CCDC80: variants seen among roughly 807,000 people sequenced by gnomAD.
CCDC80 encodes coiled-coil domain-containing protein 80.
A neutral mutation model predicts 78.7 loss-of-function variants in CCDC80; 49 were observed. That is an observed-to-expected ratio of 0.62 (90% confidence interval 0.50 to 0.79). CCDC80 has a LOEUF of 0.79. CCDC80 is among the 30% of genes least tolerant of loss of function. CCDC80 has a pLI of 0.00. For missense variants in CCDC80, 1,205 were observed against 1,198.6 expected, an observed-to-expected ratio of 1.01 and a Z score of -0.08; for synonymous variants, 488 against 447.0, an observed-to-expected ratio of 1.09 and a Z score of -1.16.
rs922754269 is a variant in CCDC80, at chr3:112,603,521, AAT to A, written c.*1894_*1895del. The A allele has an allele frequency of 9.6e-5, 14 of 145,802 alleles. No homozygotes were observed. The highest frequency in any genetic ancestry group is 2.7e-4 in the African/African-American group (11 of 40,014). The allele number at this position is 145,802 out of a possible 1,614,324, so 9.0% of individuals were successfully genotyped here. On this transcript the variant is annotated 3_prime_UTR_variant, in exon 8 of 8. Transcript: ENST00000206423. ...CAGAGCGAGACTCCATCTCGAAAAA[AAT>A]ATATATATATATAATATATATTATA...
chr3:112,597,969 T>C lies in CCDC80; in HGVS notation c.*7448A>G, dbSNP rs891667736. ...TACATATAGAATAGTATAAATACAA[T>C]AAATGTTTGAATTATCGTATAACTT... On this transcript the variant is annotated 3_prime_UTR_variant, in exon 8 of 8. Transcript: ENST00000206423. 4 of 152,212 alleles carry C rather than the reference T, an allele frequency of 2.6e-5. No homozygotes were observed. The highest frequency in any genetic ancestry group is 9.6e-5 in the African/African-American group (4 of 41,454). The allele number at this position is 152,212 out of a possible 1,614,324, so 9.4% of individuals were successfully genotyped here.
At position 112,631,192 on chromosome 3, in the gene CCDC80, TAC is replaced by T. The variant is rs1936090581; in HGVS notation, c.1879-925_1879-924del. On this transcript the variant is annotated intron_variant, in intron 2 of 7. Transcript: ENST00000206423. Reference sequence around the variant, plus strand: ...ATCTAACCTAATACAAAAGCTTCTCTACTCTCTTGATTAATTTAGCTGCCCTT... The same window carrying T: ...ATCTAACCTAATACAAAAGCTTCTCTTCTCTTGATTAATTTAGCTGCCCTT... Among the ~76,000 whole-genome samples, 4 of 152,342 alleles carry T rather than the reference TAC, an allele frequency of 2.6e-5. 1 individual carries two copies. The South Asian group carries it at 8.3e-4, about 32-fold the overall frequency.
Position 112,607,257 on chromosome 3 carries a change from C to A in CCDC80, c.2426-1G>T, listed in dbSNP as rs774970574. ...TTCAGAATGGTTATGTGGCGCAGACCTGAGAGAAAAAAGAAAACCATAGGA... is the reference window on the plus strand; with the variant it reads ...TTCAGAATGGTTATGTGGCGCAGACATGAGAGAAAAAAGAAAACCATAGGA... On this transcript the variant is annotated splice_acceptor_variant, in intron 6 of 7. Transcript: ENST00000206423. LOFTEE classifies it high-confidence loss of function. 1 of 1,607,890 alleles carries A rather than the reference C, an allele frequency of 6.2e-7. No homozygotes were observed. The highest frequency in any genetic ancestry group is 8.5e-7 in the Non-Finnish European group (1 of 1,178,240).
chr3:112,630,976 T>C (rs1478991867), intron 2 of CCDC80, among the ~76,000 whole-genome samples: 1 of 152,040 alleles, frequency 6.6e-6, no homozygotes, highest in Admixed American at 6.6e-5. Context: ...CCTAGCCCTC[T>C]GTCTTTCATC....
At chr3:112,615,972 C>G (rs1218739798) in intron 5 of CCDC80, among the ~76,000 whole-genome samples, 1 of 152,208 alleles carries the variant, frequency 6.6e-6, no homozygotes, top group Non-Finnish European at 1.5e-5. Flanking sequence ...TCTTCTATTC[C>G]TTTACTTTCT....
At position 112,605,193 on chromosome 3, in the gene CCDC80, G is replaced by C. The variant is rs1432934664; in HGVS notation, c.*224C>G. On this transcript the variant is annotated 3_prime_UTR_variant, in exon 8 of 8. Coordinates refer to ENST00000206423, the MANE Select transcript of CCDC80 (RefSeq NM_199511.3). ...TTTTCAGTACTATTATTTAGCACTA[G>C]AGCCCCTCCAGTTAGAAAAACAATT... is the stretch of plus-strand genomic sequence containing the variant. The C allele has an allele frequency of 4.6e-6, 2 of 434,912 alleles. No homozygotes were observed. Among genetic ancestry groups the C allele is most frequent in the Non-Finnish European group, 8.1e-6 (2 of 248,380 alleles). The allele number at this position is 434,912 out of a possible 1,614,324, so 26.9% of individuals were successfully genotyped here. A position where few individuals can be genotyped will look rare whatever the true frequency, so the allele number is the denominator to read the frequency against.
Position 112,630,234 on chromosome 3 carries a change from A to G in CCDC80, c.1914T>C (p.Tyr638=), listed in dbSNP as rs779337600. Residue 638 remains tyrosine, a synonymous_variant, in exon 3 of 8, where the codon TAT becomes TAC. Coordinates refer to ENST00000206423, the MANE Select transcript of CCDC80 (RefSeq NM_199511.3). ...ITAPKAENNM[Y]VQQRDEYLES... Reference sequence around the variant, plus strand: ...CCAGATATTCATCACGTTGTTGCACATACATATTGTTCTCAGCCTTGGGAG... The same window carrying G: ...CCAGATATTCATCACGTTGTTGCACGTACATATTGTTCTCAGCCTTGGGAG... 2 of 1,613,920 alleles carry G rather than the reference A, an allele frequency of 1.2e-6. No homozygotes were observed. Among genetic ancestry groups the G allele is most frequent in the Admixed American group, 3.3e-5 (2 of 60,006 alleles).
intron 4 of CCDC80, 75 bp from the exon 5 acceptor site, chr3:112,616,933 T>A: frequency 6.8e-7 from 1 of 1,474,284 alleles, no homozygotes; most frequent in Non-Finnish European, 9.3e-7. Context: ...AGAGAACCTG[T>A]GAGAATTCAG....
intron 2 of CCDC80, among the ~76,000 whole-genome samples, chr3:112,633,150 A>G (rs1259986619): frequency 3.3e-5 from 5 of 152,150 alleles, no homozygotes; most frequent in Non-Finnish European, 5.9e-5. Flanking sequence ...ATATATCTGT[A>G]TATCTTTATA....
intron 5 of CCDC80, among the ~76,000 whole-genome samples, chr3:112,612,061 TA>T (rs374036624): frequency 6.5e-4 from 90 of 137,518 alleles, no homozygotes; most frequent in East Asian, 3.7e-3. Flanking sequence ...TTTTTTTTTT[TA>T]AAAAGGGAAA....
chr3:112,618,143 TTTGTTA>T (rs1935789630), intron 4 of CCDC80, among the ~76,000 whole-genome samples: 1 of 152,242 alleles, frequency 6.6e-6, no homozygotes, highest in Admixed American at 6.5e-5. Context: ...AGTGACTATT[TTTGTTA>T]TTGTTATTAT....
At chr3:112,627,148 T>C (rs7349538) in intron 3 of CCDC80, among the ~76,000 whole-genome samples, 62,061 of 152,104 alleles carry the variant, frequency 0.41, 15,135 homozygotes, top group Non-Finnish European at 0.54. Flanking sequence ...CTTTTTTCAT[T>C]CTGCAATGAA....
At chr3:112,626,377 G>A (rs570249794) in intron 3 of CCDC80, among the ~76,000 whole-genome samples, 3 of 152,224 alleles carry the variant, frequency 2.0e-5, no homozygotes, top group East Asian at 1.9e-4. Flanking sequence ...TGGGGGAAAA[G>A]GGTCTATTTT....
rs769656953 is a variant in CCDC80, at chr3:112,638,495, G to C, written c.1411C>G (p.Arg471Gly). 1.9e-6 allele frequency: 3 copies of C among 1,611,730 alleles called. No individual in the cohort carries two copies. Among genetic ancestry groups the C allele is most frequent in the Non-Finnish European group, 2.5e-6 (3 of 1,179,320 alleles). The change falls in exon 2 of 8, where the codon CGG (arginine) becomes GGG (glycine). Residue 471 changes from arginine (R) to glycine (G), a missense_variant. Transcript: ENST00000206423. ...GRFRDNRMDR[R>G]EHGHRDPNVV... ...TTTGGGTCTCGGTGGCCATGTTCCC[G>C]CCTGTCCATGCGGTTGTCCCGGAAA...
Position 112,602,275 on chromosome 3 carries a change from C to G in CCDC80, c.*3142G>C, listed in dbSNP as rs1935387101. ...CTCCAACAACCAACCTTTCTCCAATCTTTCTCCTTCTTCTCAGGCCTCCTT... is the reference window on the plus strand; with the variant it reads ...CTCCAACAACCAACCTTTCTCCAATGTTTCTCCTTCTTCTCAGGCCTCCTT... On this transcript the variant is annotated 3_prime_UTR_variant, in exon 8 of 8. Transcript: ENST00000206423. 6.6e-6 allele frequency: 1 copy of G among 152,228 alleles called. No homozygotes were observed. The highest frequency in any genetic ancestry group is 2.1e-4 in the South Asian group (1 of 4,832). The allele number at this position is 152,228 out of a possible 1,614,324, so 9.4% of individuals were successfully genotyped here.
chr3:112,614,365 T>TA (rs1451125774), intron 5 of CCDC80, among the ~76,000 whole-genome samples: 1 of 151,988 alleles, frequency 6.6e-6, no homozygotes, highest in Non-Finnish European at 1.5e-5. Context: ...ACTGTTAAAA[T>TA]AAAAAATAAA....
At chr3:112,634,340 C>T (rs1936163812) in intron 2 of CCDC80, among the ~76,000 whole-genome samples, 1 of 152,114 alleles carries the variant, frequency 6.6e-6, no homozygotes, top group South Asian at 2.1e-4. Flanking sequence ...TAAATTTGCA[C>T]TTGAATTCAT....
rs764603912 is a variant in CCDC80 at position 112,605,568 on chromosome 3, T to C, written c.2702A>G (p.Gln901Arg). 6.8e-6 allele frequency: 11 copies of C among 1,614,096 alleles called. No individual in the cohort carries two copies. In the South Asian group the frequency reaches 1.2e-4, roughly 18 times the overall value. ...DLIDSMQLRR[Q>R]EMAIQQSLGM... ...CAGTGACTGCTGAATCGCCATTTCC[T>C]GTCTCCGAAGTTGCATCGAATCAAT... Residue 901 changes from glutamine to arginine, a missense_variant, in exon 8 of 8, where the codon CAG (glutamine) becomes CGG (arginine). Transcript: ENST00000206423.
At position 112,619,826 on chromosome 3, in the gene CCDC80, A is replaced by T. The variant is rs151001888; in HGVS notation, c.2036-722T>A. Among the ~76,000 whole-genome samples the T allele has an allele frequency of 1.6e-3, 237 of 152,324 alleles. 1 individual carries two copies. Among genetic ancestry groups the T allele is most frequent in the Middle Eastern group, 3.4e-3 (1 of 294 alleles). On this transcript the variant is annotated intron_variant, in intron 3 of 7. Transcript: ENST00000206423. ...ATTAATGGGAAGCATGAAAATCAAG[A>T]TACTAGTGGCTTTACATGGCAACTT...
Sources: allele counts gnomAD v4.1 joint callset (sites outside exome capture counted in the v4.1 genomes callset), GRCh38; gene constraint gnomAD v4.1.1; transcripts MANE v1.5; gene names NCBI Gene and HGNC (gene_info 2026-07-23, HGNC 2026-07-21).